PTPRD: variants seen among roughly 807,000 people sequenced by gnomAD.
The protein encoded by PTPRD is protein tyrosine phosphatase receptor type D, also known as receptor-type tyrosine-protein phosphatase delta.
Under a neutral mutation model 214.5 loss-of-function variants are expected in PTPRD, and 34 were observed. The ratio of observed to expected loss-of-function variants is 0.16; its 90% CI spans 0.12 to 0.21. The LOEUF is 0.21. Among genes scored for constraint, PTPRD ranks in the 10% least tolerant of loss-of-function variants. The pLI, the probability that PTPRD is intolerant of heterozygous loss-of-function variation, is 1.00. For synonymous variants in PTPRD, 1,128 were observed against 845.7 expected (o/e 1.33, Z -5.79); for missense variants, 2,545 against 2,398.7 (o/e 1.06, Z -1.27).
intron 3 of PTPRD, among the ~76,000 whole-genome samples, chr9:10,241,949 T>C (rs2091149129): frequency 6.6e-6 from 1 of 151,966 alleles, no homozygotes; most frequent in Non-Finnish European, 1.5e-5. Flanking sequence ...AAGCTATATT[T>C]CTTATTTACA....
intron 12 of PTPRD, among the ~76,000 whole-genome samples, chr9:8,704,681 T>C (rs747188294): frequency 2.0e-5 from 3 of 150,730 alleles, no homozygotes; most frequent in Non-Finnish European, 4.4e-5. Context: ...GCAATTTAGA[T>C]GGTAAAAAGA....
intron 7 of PTPRD, among the ~76,000 whole-genome samples, chr9:9,695,863 T>C (rs1595452362): frequency 6.6e-6 from 1 of 152,206 alleles, no homozygotes; most frequent in East Asian, 1.9e-4. Context: ...TAGTTTTCTT[T>C]TATATAGCAT....
chr9:9,347,172 C>T (rs1045610691), intron 9 of PTPRD, among the ~76,000 whole-genome samples: 19 of 152,074 alleles, frequency 1.2e-4, no homozygotes, highest in African/African-American at 4.3e-4. Flanking sequence ...CTGTTTGAAA[C>T]AAACATAAGC....
intron 11 of PTPRD, among the ~76,000 whole-genome samples, chr9:8,970,352 T>C (rs550890607): frequency 1.3e-5 from 2 of 152,016 alleles, no homozygotes; most frequent in East Asian, 1.9e-4. Flanking sequence ...GAGTTCTAAA[T>C]AATCTCTGTT....
At chr9:9,404,088 G>A (rs914770730) in intron 8 of PTPRD, among the ~76,000 whole-genome samples, 4 of 152,012 alleles carry the variant, frequency 2.6e-5, no homozygotes, top group Non-Finnish European at 4.4e-5. Context: ...CTAGAATCTA[G>A]TAAGCAGAAC....
intron 3 of PTPRD, among the ~76,000 whole-genome samples, chr9:10,273,948 G>C (rs977103369): frequency 1.3e-5 from 2 of 150,010 alleles, no homozygotes; most frequent in African/African-American, 4.8e-5. Flanking sequence ...TGTAACAATA[G>C]CTATGTAATG....
intron 10 of PTPRD, among the ~76,000 whole-genome samples, chr9:9,080,884 C>G (rs985656035): frequency 6.6e-6 from 1 of 151,956 alleles, no homozygotes; most frequent in East Asian, 1.9e-4. Flanking sequence ...TGGTTCTTCT[C>G]TCTTTTCTTC....
intron 39 of PTPRD, among the ~76,000 whole-genome samples, chr9:8,343,650 C>T (rs1468804290): frequency 6.6e-6 from 1 of 152,092 alleles, no homozygotes; most frequent in South Asian, 2.1e-4. Context: ...CCCTCAAATA[C>T]CCCTTTACTA....
chr9:10,382,124 G>C (rs540592259), intron 2 of PTPRD, among the ~76,000 whole-genome samples: 2 of 151,732 alleles, frequency 1.3e-5, no homozygotes, highest in South Asian at 4.1e-4. Flanking sequence ...TGGTATTAAA[G>C]TCTGAGGTTG....
intron 7 of PTPRD, among the ~76,000 whole-genome samples, chr9:9,696,420 T>C (rs1310557657): frequency 1.3e-5 from 2 of 152,132 alleles, no homozygotes; most frequent in African/African-American, 4.8e-5. Flanking sequence ...CATGCTATTA[T>C]TGTATTGCAG....
chr9:9,003,606 TA>T (rs2099434584), intron 11 of PTPRD, among the ~76,000 whole-genome samples: 2 of 152,074 alleles, frequency 1.3e-5, no homozygotes, highest in African/African-American at 4.8e-5. Flanking sequence ...CATCTAACTC[TA>T]GCATAAAGGC....
intron 9 of PTPRD, among the ~76,000 whole-genome samples, chr9:9,349,244 G>A (rs1014717779): frequency 6.6e-6 from 1 of 151,984 alleles, no homozygotes; most frequent in Non-Finnish European, 1.5e-5. Flanking sequence ...ACATAGAATG[G>A]CAAGAAACTT....
intron 11 of PTPRD, among the ~76,000 whole-genome samples, chr9:8,802,404 C>T (rs58500396): frequency 0.11 from 17,281 of 152,142 alleles, 1,008 homozygotes; most frequent in East Asian, 0.2. Context: ...CACCTAAAGG[C>T]CCTCAAATAG....
intron 14 of PTPRD, among the ~76,000 whole-genome samples, chr9:8,619,743 C>G (rs957152413): frequency 2.6e-5 from 4 of 151,928 alleles, no homozygotes; most frequent in Non-Finnish European, 5.9e-5. Flanking sequence ...AGCAGCCCCT[C>G]TTGGTGGAGT....
chr9:9,031,864 A>G (rs2099606595), intron 10 of PTPRD, among the ~76,000 whole-genome samples: 1 of 152,036 alleles, frequency 6.6e-6, no homozygotes, highest in South Asian at 2.1e-4. Context: ...GCAAGGGCAG[A>G]AGGATGGTAG....
chr9:9,878,673 G>T (rs529558650), intron 5 of PTPRD, among the ~76,000 whole-genome samples: 1 of 152,254 alleles, frequency 6.6e-6, no homozygotes, highest in Non-Finnish European at 1.5e-5. Flanking sequence ...AAATAGCATT[G>T]TTAGAATGAA....
chr9:9,740,102 T>C (rs2098377060), intron 6 of PTPRD, among the ~76,000 whole-genome samples: 1 of 152,162 alleles, frequency 6.6e-6, no homozygotes, highest in Non-Finnish European at 1.5e-5. Flanking sequence ...GAATGCTCTA[T>C]ATGTACTTAA....
intron 2 of PTPRD, among the ~76,000 whole-genome samples, chr9:10,412,012 T>C (rs1416888753): frequency 2.0e-5 from 3 of 151,792 alleles, no homozygotes; most frequent in Non-Finnish European, 4.4e-5. Flanking sequence ...CCTGCAACTA[T>C]AAAAATGAAT....
chr9:8,855,326 C>T (rs1217619474), intron 11 of PTPRD, among the ~76,000 whole-genome samples: 1 of 152,038 alleles, frequency 6.6e-6, no homozygotes, highest in Non-Finnish European at 1.5e-5. Context: ...CAAATCAAAT[C>T]ACTGTATTTA....
Sources: gnomAD v4.1 joint callset for allele counts (sites outside exome capture counted in the v4.1 genomes callset) on GRCh38, gnomAD v4.1.1 for gene constraint, MANE v1.5 for transcripts, NCBI Gene and HGNC (gene_info 2026-07-23, HGNC 2026-07-21) for gene names.